The following ADAM22 variants were observed in gnomAD, a reference collection of about 807,000 sequenced individuals.
The protein encoded by ADAM22 is disintegrin and metalloproteinase domain-containing protein 22.
Under a neutral mutation model 144.6 loss-of-function variants are expected in ADAM22, and 65 were observed. The ratio of observed to expected loss-of-function variants is 0.45; its 90% CI spans 0.37 to 0.55. ADAM22 has a LOEUF of 0.55. Among genes scored for constraint, ADAM22 ranks in the 20% least tolerant of loss-of-function variants. The probability of loss-of-function intolerance (pLI) is 0.00; values close to 1 mark genes in which losing one functional copy is unlikely to be tolerated. For synonymous variants in ADAM22, 391 were observed against 412.6 expected (o/e 0.95, Z 0.63); for missense variants, 974 against 1,184.9 (o/e 0.82, Z 2.61).
intron 4 of ADAM22, among the ~76,000 whole-genome samples, chr7:88,102,456 G>A (rs1585733496): frequency 6.6e-6 from 1 of 152,122 alleles, no homozygotes. Flanking sequence ...TCAGTCATTT[G>A]GAGGATTTTA....
At chr7:88,116,958 G>A in intron 7 of ADAM22, 144 bp downstream of exon 7, 1 of 597,564 alleles carries the variant, frequency 1.7e-6, no homozygotes, top group Non-Finnish European at 2.9e-6. Context: ...CACGTCAAGA[G>A]GGAGAATAAA....
Position 88,202,265 on chromosome 7 carries a change from T to C in ADAM22, c.*5774T>C, listed in dbSNP as rs945659320. 6.6e-6 allele frequency: 1 copy of C among 152,204 alleles called. No individual in the cohort carries two copies. Among genetic ancestry groups the C allele is most frequent in the Admixed American group, 6.5e-5 (1 of 15,280 alleles). 9.4% of individuals were successfully genotyped at this position (152,204 alleles called of 1,614,324 possible). A position where few individuals can be genotyped will look rare whatever the true frequency, so the allele number is the denominator to read the frequency against. On this transcript the variant is annotated 3_prime_UTR_variant, in exon 32 of 32. Transcript: ENST00000413139. ...CAAAACTGCTTTAAAAAAAGGCTTATTCAGGATAGATAAGCATGTACTCCT... is the reference window on the plus strand; with the variant it reads ...CAAAACTGCTTTAAAAAAAGGCTTACTCAGGATAGATAAGCATGTACTCCT...
rs941889475 is a variant in ADAM22, at chr7:88,198,171, A to G, written c.*1680A>G. 3.9e-5 allele frequency: 6 copies of G among 152,150 alleles called. No individual in the cohort carries two copies. The highest frequency in any genetic ancestry group is 7.2e-5 in the African/African-American group (3 of 41,426). 9.4% of individuals were successfully genotyped at this position (152,150 alleles called of 1,614,324 possible). A position where few individuals can be genotyped will look rare whatever the true frequency, so the allele number is the denominator to read the frequency against. On this transcript the variant is annotated 3_prime_UTR_variant, in exon 32 of 32. Coordinates refer to ENST00000413139, the MANE Select transcript of ADAM22 (RefSeq NM_001324418.2). ...ACTCTCTTAAATTTGATCCTCTCCCATAGTATCCATGGACAAAATCCATAT... is the reference window on the plus strand; with the variant it reads ...ACTCTCTTAAATTTGATCCTCTCCCGTAGTATCCATGGACAAAATCCATAT...
At chr7:87,935,817 A>G (rs745363641) in intron 2 of ADAM22, among the ~76,000 whole-genome samples, 61 of 152,188 alleles carry the variant, frequency 4.0e-4, no homozygotes, top group Non-Finnish European at 6.5e-4. Flanking sequence ...TTTATAAATT[A>G]TGTTTTTAAA....
intron 2 of ADAM22, among the ~76,000 whole-genome samples, chr7:87,973,380 A>G (rs1386856129): frequency 6.9e-6 from 1 of 144,522 alleles, no homozygotes; most frequent in East Asian, 2.0e-4. Context: ...AATCAAAACC[A>G]CAATGAGATA....
In ADAM22 at chr7:88,145,133, T is replaced by A; in HGVS notation, c.1329T>A (p.Asp443Glu). Residue 443 changes from aspartate (D) to glutamate (E), a missense_variant, in exon 16 of 32, where the codon GAT becomes GAA. Asp to Glu is a conservative substitution (Grantham distance 45). Transcript: ENST00000413139. ...CLFNKPSKLL[D>E]PPECGNGFIE... ...TTTGGTTTTCCTCACAGCTTCTTGA[T>A]CCTCCTGAGTGTGGCAATGGCTTCA... The A allele has an allele frequency of 6.2e-7, 1 of 1,613,236 alleles. No individual in the cohort carries two copies. The highest frequency in any genetic ancestry group is 8.5e-7 in the Non-Finnish European group (1 of 1,179,718).
chr7:88,182,446 G>A (rs1335261782), intron 29 of ADAM22, among the ~76,000 whole-genome samples: 1 of 152,150 alleles, frequency 6.6e-6, no homozygotes, highest in Admixed American at 6.5e-5. Context: ...TACTGCTCAT[G>A]ATCTAAAACC....
intron 3 of ADAM22, among the ~76,000 whole-genome samples, chr7:88,038,851 G>T (rs1396484261): frequency 6.6e-6 from 1 of 151,096 alleles, no homozygotes; most frequent in Non-Finnish European, 1.5e-5. Flanking sequence ...TGCCATCACT[G>T]CTTAATGTAG....
chr7:87,978,125 C>T (rs1192022815), intron 2 of ADAM22, among the ~76,000 whole-genome samples: 1 of 152,096 alleles, frequency 6.6e-6, no homozygotes. Context: ...GGGCACTTGT[C>T]CTCTTTGATT....
At chr7:88,187,454 C>G (rs1848572314) in intron 30 of ADAM22, among the ~76,000 whole-genome samples, 1 of 152,190 alleles carries the variant, frequency 6.6e-6, no homozygotes, top group African/African-American at 2.4e-5. Context: ...ATTTTAGAAA[C>G]TATCAAATTT....
At chr7:88,155,243 T>C (rs538948783) in intron 21 of ADAM22, among the ~76,000 whole-genome samples, 2 of 152,102 alleles carry the variant, frequency 1.3e-5, no homozygotes, top group South Asian at 4.2e-4. Context: ...AAAAAAATTG[T>C]CTGGGCACAG....
chr7:88,047,410 A>G (rs1042162436), intron 3 of ADAM22, among the ~76,000 whole-genome samples: 1 of 152,132 alleles, frequency 6.6e-6, no homozygotes, highest in East Asian at 1.9e-4. Flanking sequence ...ATTCACCAAG[A>G]TCTTTTCTTT....
In ADAM22 at chr7:88,033,177, T is replaced by G. The variant is rs553662103; in HGVS notation, c.324-42449T>G. Among the ~76,000 whole-genome samples the G allele has an allele frequency of 5.6e-4, 85 of 152,362 alleles. 1 individual carries two copies. Among genetic ancestry groups the G allele is most frequent in the African/African-American group, 1.9e-3 (80 of 41,588 alleles). On this transcript the variant is annotated intron_variant, in intron 3 of 31. Coordinates refer to ENST00000413139, the MANE Select transcript of ADAM22 (RefSeq NM_001324418.2). The stretch of plus-strand genomic sequence containing the variant: ...GTCTGGGCTTCTTTGTACCTGTCTT[T>G]GGGAAGGCTTTCCAGGTGTATGAAG...
rs147244075 is a variant in ADAM22, at chr7:88,149,597, C to T, written c.1566+540C>T. On this transcript the variant is annotated intron_variant, in intron 18 of 31. Coordinates refer to ENST00000413139, the MANE Select transcript of ADAM22 (RefSeq NM_001324418.2). Reference sequence around the variant, plus strand: ...TCAAAATGGTCACTGTACATACAGACGGTCCTCACTTTGAAGGGTAGTGCC... The same window carrying T: ...TCAAAATGGTCACTGTACATACAGATGGTCCTCACTTTGAAGGGTAGTGCC... Among the ~76,000 whole-genome samples the T allele has an allele frequency of 5.3e-5, 8 of 152,228 alleles. No individual in the cohort carries two copies. In the South Asian group the frequency reaches 1.0e-3, roughly 20 times the overall value.
intron 2 of ADAM22, among the ~76,000 whole-genome samples, chr7:87,973,344 C>T (rs1344496608): frequency 1.3e-5 from 2 of 152,168 alleles, no homozygotes; most frequent in Non-Finnish European, 2.9e-5. Flanking sequence ...GAAGTGCTCA[C>T]CATCACTGGC....
chr7:88,130,415 C>A lies in ADAM22; in HGVS notation c.781C>A (p.His261Asn). Reference sequence around the variant, plus strand: ...TAAAAAACATCGGCTTTCCGTTGTACATACCAATACCTATGCGAAATCTGT... The same window carrying A: ...TAAAAAACATCGGCTTTCCGTTGTAAATACCAATACCTATGCGAAATCTGT... ...MFKKHRLSVV[H>N]TNTYAKSVVN... Residue 261 changes from histidine (H) to asparagine (N), a missense_variant, in exon 10 of 32, where the codon CAT becomes AAT. His to Asn is a moderately conservative substitution (Grantham distance 68, BLOSUM62 1). This residue lies in a region of ADAM22 where 734 missense variants were observed against 950.6 expected (regional missense o/e 0.77). Transcript: ENST00000413139. The A allele has an allele frequency of 6.2e-7, 1 of 1,613,082 alleles. No individual in the cohort carries two copies. The highest frequency in any genetic ancestry group is 8.5e-7 in the Non-Finnish European group (1 of 1,179,344).
intron 13 of ADAM22, 34 bp downstream of exon 13, chr7:88,134,453 T>A: frequency 1.4e-6 from 2 of 1,460,118 alleles, no homozygotes; most frequent in Non-Finnish European, 1.9e-6. Flanking sequence ...TAGTTGTATT[T>A]AAAATAGACT....
At chr7:88,016,631 CT>C (rs1422979095) in intron 3 of ADAM22, among the ~76,000 whole-genome samples, 10 of 152,004 alleles carry the variant, frequency 6.6e-5, no homozygotes, top group Non-Finnish European at 1.3e-4. Context: ...TTAAGATTAC[CT>C]TGCATCTCCT....
intron 26 of ADAM22, among the ~76,000 whole-genome samples, chr7:88,172,236 C>T (rs1320090626): frequency 1.3e-5 from 2 of 151,892 alleles, no homozygotes; most frequent in Non-Finnish European, 2.9e-5. Flanking sequence ...ACAAAATGTT[C>T]ATGTTGTTCT....
Sources: gnomAD v4.1 joint callset for allele counts (sites outside exome capture counted in the v4.1 genomes callset) on GRCh38, gnomAD v4.1.1 for gene constraint, gnomAD v4.1.1 regional missense constraint, MANE v1.5 for transcripts, NCBI Gene and HGNC (gene_info 2026-07-23, HGNC 2026-07-21) for gene names.